PCDH15: variants seen among roughly 807,000 people sequenced by gnomAD.
PCDH15 encodes protocadherin-15.
Under a neutral mutation model 178.5 loss-of-function variants are expected in PCDH15, and 129 were observed. The observed-to-expected ratio is 0.72, with a 90% CI of 0.63 to 0.84. The LOEUF is 0.84. Ranked by LOEUF, PCDH15 falls within the 40% of genes least tolerant of loss-of-function variation. PCDH15 has a pLI of 0.00. For synonymous variants in PCDH15, 800 were observed against 732.0 expected (o/e 1.09, Z -1.50); for missense variants, 2,230 against 2,099.9 (o/e 1.06, Z -1.21).
At chr10:55,456,053 C>T (rs748343888) in intron 2 of PCDH15, among the ~76,000 whole-genome samples, 3 of 152,112 alleles carry the variant, frequency 2.0e-5, no homozygotes, top group African/African-American at 7.2e-5. Flanking sequence ...TTAAGGTGGG[C>T]GTGATAGGGC....
chr10:54,482,386 A>AGTGAT (rs1457995026), intron 3 of PCDH15, among the ~76,000 whole-genome samples: 1 of 151,896 alleles, frequency 6.6e-6, no homozygotes, highest in African/African-American at 2.4e-5. Context: ...AGCAGATTCA[A>AGTGAT]GTGATAGAGA....
intron 2 of PCDH15, among the ~76,000 whole-genome samples, chr10:54,551,781 C>A (rs2086645254): frequency 6.6e-6 from 1 of 151,740 alleles, no homozygotes. Flanking sequence ...TTACAGCTAC[C>A]TCAAAAAATA....
intron 3 of PCDH15, among the ~76,000 whole-genome samples, chr10:54,806,785 G>A (rs1178467005): frequency 6.6e-6 from 1 of 152,136 alleles, no homozygotes; most frequent in East Asian, 1.9e-4. Context: ...CGCCTGGCCT[G>A]AGCCACCACG....
At chr10:55,166,854 A>C (rs769314126) in intron 1 of PCDH15, among the ~76,000 whole-genome samples, 65 of 152,170 alleles carry the variant, frequency 4.3e-4, no homozygotes, top group Admixed American at 3.9e-4. Context: ...GGAAGACTTA[A>C]GTCTAATTTA....
chr10:54,234,145 T>TGTGTGTGTGC (rs1554851143), intron 9 of PCDH15, among the ~76,000 whole-genome samples: 5 of 150,948 alleles, frequency 3.3e-5, no homozygotes, highest in African/African-American at 1.2e-4. Flanking sequence ...TGTGTGTGTG[T>TGTGTGTGTGC]GTGTGTGTGT....
intron 2 of PCDH15, among the ~76,000 whole-genome samples, chr10:55,013,280 G>A (rs1359971139): frequency 6.6e-6 from 1 of 152,106 alleles, no homozygotes; most frequent in Non-Finnish European, 1.5e-5. Flanking sequence ...TCCTCCAACA[G>A]TTCTGTGCAC....
chr10:55,475,178 A>G (rs1840038657), intron 2 of PCDH15, among the ~76,000 whole-genome samples: 1 of 152,046 alleles, frequency 6.6e-6, no homozygotes, highest in Non-Finnish European at 1.5e-5. Context: ...AATTGAGTGA[A>G]AGCTCACCCG....
intron 34 of PCDH15, among the ~76,000 whole-genome samples, chr10:53,817,214 C>T (rs901011936): frequency 3.3e-5 from 5 of 152,082 alleles, no homozygotes; most frequent in East Asian, 1.9e-4. Flanking sequence ...CCAATTAGGT[C>T]GTATACTTCT....
At chr10:55,625,159 G>A (rs188897674) in intron 2 of PCDH15, among the ~76,000 whole-genome samples, 198 of 151,980 alleles carry the variant, frequency 1.3e-3, no homozygotes, top group African/African-American at 4.6e-3. Flanking sequence ...TTTTAATAAT[G>A]CTGAAGCATT....
intron 8 of PCDH15, among the ~76,000 whole-genome samples, chr10:54,245,418 C>T (rs183256856): frequency 2.9e-3 from 447 of 151,996 alleles, no homozygotes; most frequent in Middle Eastern, 0.014. Context: ...TATTGGTTAT[C>T]AATAAATAGA....
chr10:55,239,682 C>T (rs997299510), intron 1 of PCDH15, among the ~76,000 whole-genome samples: 2 of 152,002 alleles, frequency 1.3e-5, no homozygotes, highest in African/African-American at 4.8e-5. Flanking sequence ...CCAAAACAGA[C>T]AAATGGGATC....
chr10:53,864,317 G>T (rs966697679), intron 27 of PCDH15, among the ~76,000 whole-genome samples: 3 of 151,602 alleles, frequency 2.0e-5, no homozygotes, highest in African/African-American at 7.2e-5. Context: ...ACCAATTAAT[G>T]CCAACTTCCT....
rs2082656733 is a variant in PCDH15, at chr10:53,906,002, T to G, written c.3374-2632A>C. Reference sequence around the variant, plus strand: ...AAAGAACTTATACATTTATTTATTTTAAAAAGCCACGATCATTTAGTTCTT... The same window carrying G: ...AAAGAACTTATACATTTATTTATTTGAAAAAGCCACGATCATTTAGTTCTT... On this transcript the variant is annotated intron_variant, in intron 25 of 37. Transcript: ENST00000644397. Among the ~76,000 whole-genome samples the G allele has an allele frequency of 2.0e-5, 3 of 152,226 alleles. No homozygotes were observed. In the South Asian group the frequency reaches 6.2e-4, roughly 32 times the overall value.
At chr10:54,169,913 T>C (rs887199912) in intron 13 of PCDH15, among the ~76,000 whole-genome samples, 1 of 151,128 alleles carries the variant, frequency 6.6e-6, no homozygotes, top group South Asian at 2.1e-4. Context: ...TCAACCAAAT[T>C]GTTTTGCCTA....
intron 2 of PCDH15, among the ~76,000 whole-genome samples, chr10:54,654,278 T>TA (rs2094328041): frequency 6.6e-6 from 1 of 152,162 alleles, no homozygotes; most frequent in African/African-American, 2.4e-5. Context: ...ATACAAAATG[T>TA]GTTTATTATA....
At chr10:54,232,961 C>T (rs1164628414) in intron 9 of PCDH15, among the ~76,000 whole-genome samples, 1 of 142,710 alleles carries the variant, frequency 7.0e-6, no homozygotes, top group Non-Finnish European at 1.5e-5. Context: ...GAGTCACCTC[C>T]AATCTCCTCC....
intron 9 of PCDH15, among the ~76,000 whole-genome samples, chr10:54,224,112 A>T (rs1443769191): frequency 1.3e-5 from 2 of 152,192 alleles, no homozygotes; most frequent in Non-Finnish European, 2.9e-5. Context: ...TTAACACAGA[A>T]ATAAAAGAGA....
intron 2 of PCDH15, among the ~76,000 whole-genome samples, chr10:54,982,084 G>A (rs1165022271): frequency 1.3e-5 from 2 of 151,996 alleles, no homozygotes; most frequent in Admixed American, 1.3e-4. Context: ...TAGAACGTTG[G>A]ATTTACAGAT....
chr10:54,674,430 T>C (rs2135545803), intron 1 of PCDH15, among the ~76,000 whole-genome samples: 2 of 152,286 alleles, frequency 1.3e-5, no homozygotes, highest in South Asian at 4.1e-4. Flanking sequence ...ATGTATAGTC[T>C]AGAACGTTTG....
Sources: allele counts gnomAD v4.1 joint callset (sites outside exome capture counted in the v4.1 genomes callset), GRCh38; gene constraint gnomAD v4.1.1; transcripts MANE v1.5; gene names NCBI Gene and HGNC (gene_info 2026-07-23, HGNC 2026-07-21).